FOXN3: variants seen among roughly 807,000 people sequenced by gnomAD.
FOXN3 encodes the protein forkhead box N3.
Under a neutral mutation model 38.4 loss-of-function variants are expected in FOXN3, and 7 were observed. The observed-to-expected ratio is 0.18, with a 90% confidence interval of 0.10 to 0.34. The LOEUF is 0.34. Among genes scored for constraint, FOXN3 ranks in the 10% least tolerant of loss-of-function variants. FOXN3 has a pLI of 1.00. For missense variants in FOXN3, 456 were observed against 613.4 expected (o/e 0.74, Z 2.71); for synonymous variants, 230 against 242.2 (o/e 0.95, Z 0.47).
chr14:89,551,457 A>G (rs1895004115), intron 1 of FOXN3, among the ~76,000 whole-genome samples: 1 of 151,872 alleles, frequency 6.6e-6, no homozygotes, highest in African/African-American at 2.4e-5. Flanking sequence ...TCCTCCCAAC[A>G]CCACTAGATC....
intron 3 of FOXN3, among the ~76,000 whole-genome samples, chr14:89,286,678 C>G (rs184576591): frequency 6.6e-6 from 1 of 152,096 alleles, no homozygotes. Flanking sequence ...GATTAATCAC[C>G]AGGAAATAAT....
At position 89,162,415 on chromosome 14, in the gene FOXN3, T is replaced by C. The variant is rs1887126422; in HGVS notation, c.1406A>G (p.Ter469=). 2 of 1,545,282 alleles carry C rather than the reference T, an allele frequency of 1.3e-6. No individual in the cohort carries two copies. The highest frequency in any genetic ancestry group is 2.5e-5 in the South Asian group (2 of 80,680). ...QKEQKETTKN[*] Reference sequence around the variant, plus strand: ...TCAAAACAAATCAGTGACTTGTTTTTAATTTTTTGTGGTTTCCTTTTGCTC... The same window carrying C: ...TCAAAACAAATCAGTGACTTGTTTTCAATTTTTTGTGGTTTCCTTTTGCTC... The change falls in exon 6 of 6, where the codon TAA becomes TGA. Residue 469 remains the stop codon, a stop_retained_variant. Transcript: ENST00000557258. The surrounding 1 kb of genome is among the most constrained non-coding windows in gnomAD (Gnocchi z 7.2).
At chr14:89,413,113 A>G (rs1359844572) in intron 1 of FOXN3, among the ~76,000 whole-genome samples, 1 of 152,176 alleles carries the variant, frequency 6.6e-6, no homozygotes, top group Non-Finnish European at 1.5e-5. Context: ...ATAACATCTG[A>G]TGAGAAAAGA....
chr14:89,178,626 CTGTT>C (rs1156250169), intron 5 of FOXN3, among the ~76,000 whole-genome samples: 2 of 152,048 alleles, frequency 1.3e-5, no homozygotes, highest in Non-Finnish European at 2.9e-5. Flanking sequence ...AGAAACAAGA[CTGTT>C]TGCTGCAGTG....
At chr14:89,349,738 C>G (rs546454910) in intron 3 of FOXN3, 32 of 152,492 alleles carry the variant, frequency 2.1e-4, no homozygotes, top group African/African-American at 7.2e-4. Flanking sequence ...AATGCTATTT[C>G]AGAAGATCAC....
chr14:89,412,275 C>T lies in FOXN3; in HGVS notation c.202G>A (p.Glu68Lys). Reference sequence around the variant, plus strand: ...AAGCTCTTCAGCAAGTTCTTGCTCTCGTGCAGCCAGTTCAGGTTGGTCAGC... The same window carrying T: ...AAGCTCTTCAGCAAGTTCTTGCTCTTGTGCAGCCAGTTCAGGTTGGTCAGC... Reference protein sequence around the residue: ...EELTNLNWLHESKNLLKSFGE... With the variant: ...EELTNLNWLHKSKNLLKSFGE... Residue 68 changes from glutamate to lysine, a missense_variant, in exon 2 of 6, where the codon GAG becomes AAG. Physicochemically the swap from Glu to Lys is moderately conservative, Grantham distance 56. Around this residue, in one of 3 missense-constraint regions of FOXN3, gnomAD observed 11 missense variants for 39.2 expected, o/e 0.28. Transcript: ENST00000557258. The surrounding 1 kb of genome is among the most constrained non-coding windows in gnomAD (Gnocchi z 4.7). 3 of 1,614,090 alleles carry T rather than the reference C, an allele frequency of 1.9e-6. No individual in the cohort carries two copies. Among genetic ancestry groups the T allele is most frequent in the Non-Finnish European group, 2.5e-6 (3 of 1,180,018 alleles).
intron 1 of FOXN3, among the ~76,000 whole-genome samples, chr14:89,467,005 G>A (rs570853931): frequency 6.6e-6 from 1 of 152,340 alleles, no homozygotes; most frequent in Admixed American, 6.5e-5. Flanking sequence ...CAAAAGCAGC[G>A]TTAGCTTTCG....
At chr14:89,582,818 CCTTATAGATGAG>C (rs932071766) in intron 1 of FOXN3, among the ~76,000 whole-genome samples, 1 of 152,122 alleles carries the variant, frequency 6.6e-6, no homozygotes, top group African/African-American at 2.4e-5. Flanking sequence ...TGCTTTCTGT[CCTTATAGATGAG>C]TCTGCATTTT....
chr14:89,442,244 C>T (rs2139697741), intron 1 of FOXN3, among the ~76,000 whole-genome samples: 1 of 152,224 alleles, frequency 6.6e-6, no homozygotes, highest in South Asian at 2.1e-4. Flanking sequence ...CTGACCTTTC[C>T]AATGACACTC....
rs1026944971 is a variant in FOXN3, at chr14:89,463,932, A to G, written c.-14-51442T>C. ...CCCAGGTAGCTGGGATTACAGGCAC[A>G]TGCCACCACACCCAGTGAATTTTGA... On this transcript the variant is annotated intron_variant, in intron 1 of 6. Transcript: ENST00000345097. 3.3e-5 allele frequency among the ~76,000 whole-genome samples: 5 copies of G among 150,794 alleles called. No homozygotes were observed. The East Asian group carries it at 7.7e-4, about 23-fold the overall frequency.
Position 89,174,490 on chromosome 14 carries a change from G to C in FOXN3, c.851+6211C>G, listed in dbSNP as rs531988662. Among the ~76,000 whole-genome samples the C allele has an allele frequency of 7.6e-4, 115 of 152,240 alleles. 2 individuals are homozygous for C. The highest frequency in any genetic ancestry group is 2.6e-3 in the African/African-American group (109 of 41,550). ...TGCAAGAGATCACACAACACAAATA[G>C]GAGTGATCCTACAACTCTCCTCCAT... On this transcript the variant is annotated intron_variant, in intron 5 of 5. Coordinates refer to ENST00000557258, the MANE Select transcript of FOXN3 (RefSeq NM_005197.4).
chr14:89,427,244 A>G (rs1052899815), intron 1 of FOXN3, among the ~76,000 whole-genome samples: 2 of 149,428 alleles, frequency 1.3e-5, no homozygotes, highest in East Asian at 2.0e-4. Flanking sequence ...AAAAAAAAGA[A>G]AAGAGAAGAA....
At position 89,159,424 on chromosome 14, in the gene FOXN3, C is replaced by T. The variant is rs151294047; in HGVS notation, c.*2990G>A. On this transcript the variant is annotated 3_prime_UTR_variant, in exon 6 of 6. Coordinates refer to ENST00000557258, the MANE Select transcript of FOXN3 (RefSeq NM_005197.4). Reference sequence around the variant, plus strand: ...ACTCAGGAAAATCACACTTAGAAAGCTGCCCGATGAGGTATTTATGCAAAA... The same window carrying T: ...ACTCAGGAAAATCACACTTAGAAAGTTGCCCGATGAGGTATTTATGCAAAA... 6.6e-6 allele frequency: 1 copy of T among 152,660 alleles called. No homozygotes were observed. Among genetic ancestry groups the T allele is most frequent in the Non-Finnish European group, 1.5e-5 (1 of 68,048 alleles). The allele number at this position is 152,660 out of a possible 1,614,324, so 9.5% of individuals were successfully genotyped here. A position where few individuals can be genotyped will look rare whatever the true frequency, so the allele number is the denominator to read the frequency against.
At chr14:89,441,583 G>A (rs1244779982) in intron 1 of FOXN3, among the ~76,000 whole-genome samples, 1 of 152,170 alleles carries the variant, frequency 6.6e-6, no homozygotes, top group African/African-American at 2.4e-5. Context: ...CACCCTACTA[G>A]CTGGAACAGA....
chr14:89,374,263 CAAAAAAAAA>C (rs35623770), intron 2 of FOXN3, among the ~76,000 whole-genome samples: 146 of 48,184 alleles, frequency 3.0e-3, no homozygotes, highest in Middle Eastern at 0.023. Flanking sequence ...GACCTTGTCT[CAAAAAAAAA>C]AAAAAAAAAA....
intron 4 of FOXN3, among the ~76,000 whole-genome samples, chr14:89,253,302 T>G (rs753570644): frequency 1.5e-4 from 23 of 152,144 alleles, no homozygotes; most frequent in Non-Finnish European, 2.5e-4. Flanking sequence ...CTCTAGGGCA[T>G]GAAGCTTCTG....
At chr14:89,273,373 G>A (rs1213801399) in intron 4 of FOXN3, among the ~76,000 whole-genome samples, 1 of 152,170 alleles carries the variant, frequency 6.6e-6, no homozygotes, top group Non-Finnish European at 1.5e-5. Flanking sequence ...CTCTGTTTCT[G>A]TTCACAAAAC....
At chr14:89,325,883 C>G (rs1888069472) in intron 3 of FOXN3, among the ~76,000 whole-genome samples, 2 of 152,226 alleles carry the variant, frequency 1.3e-5, no homozygotes, top group African/African-American at 4.8e-5. Context: ...AGCCCCTGTC[C>G]TGTCAAGTAA....
intron 4 of FOXN3, among the ~76,000 whole-genome samples, chr14:89,200,014 T>A (rs1888196225): frequency 6.6e-6 from 1 of 152,128 alleles, no homozygotes; most frequent in African/African-American, 2.4e-5. Flanking sequence ...CTGGAACCAA[T>A]CCCCCATGGA....
Sources: gnomAD v4.1 joint callset for allele counts (sites outside exome capture counted in the v4.1 genomes callset) on GRCh38, gnomAD v4.1.1 for gene constraint, gnomAD v4.1.1 regional missense constraint, Gnocchi (gnomAD v3.1) non-coding constraint, MANE v1.5 for transcripts, NCBI Gene and HGNC (gene_info 2026-07-23, HGNC 2026-07-21) for gene names.